The following TLK2 variants were observed in gnomAD, a reference collection of about 807,000 sequenced individuals.
TLK2 encodes the protein tousled like kinase 2.
A neutral mutation model predicts 117.3 loss-of-function variants in TLK2; 6 were observed. The observed-to-expected ratio is 0.05, with a 90% CI of 0.03 to 0.10. TLK2 has a LOEUF of 0.10. Among genes scored for constraint, TLK2 ranks in the 10% least tolerant of loss-of-function variants. The pLI is 1.00. For missense variants in TLK2, 299 were observed against 901.2 expected (o/e 0.33, Z 8.56); for synonymous variants, 257 against 316.7 (o/e 0.81, Z 2.00).
At chr17:62,499,002 C>T (rs2073958285) in intron 2 of TLK2, among the ~76,000 whole-genome samples, 1 of 151,870 alleles carries the variant, frequency 6.6e-6, no homozygotes, top group Admixed American at 6.6e-5. Flanking sequence ...TAGCTGGGAC[C>T]ACAGGCATGT....
intron 2 of TLK2, among the ~76,000 whole-genome samples, chr17:62,489,564 G>A (rs951654110): frequency 6.6e-6 from 1 of 151,982 alleles, no homozygotes; most frequent in African/African-American, 2.4e-5. Context: ...CTAATGCAGA[G>A]TTCCTATATA....
At chr17:62,475,735 C>T (rs2071027032), upstream of TLK2, among the ~76,000 whole-genome samples, 1 of 152,042 alleles carries the variant, frequency 6.6e-6, no homozygotes, top group Admixed American at 6.6e-5. Flanking sequence ...TCTCGGCTCA[C>T]TGCAACCTCC....
At chr17:62,494,525 G>A (rs2073447198) in intron 2 of TLK2, among the ~76,000 whole-genome samples, 1 of 152,042 alleles carries the variant, frequency 6.6e-6, no homozygotes, top group Non-Finnish European at 1.5e-5. Context: ...TCAAAGTGTT[G>A]GGATTATAGG....
intron 16 of TLK2, among the ~76,000 whole-genome samples, chr17:62,590,009 G>A (rs1231686404): frequency 4.7e-5 from 7 of 150,224 alleles, no homozygotes; most frequent in African/African-American, 1.7e-4. Context: ...GGGTTTCACC[G>A]TGTTAGCCAG....
intron 13 of TLK2, among the ~76,000 whole-genome samples, 191 bp from the exon 14 acceptor site, chr17:62,578,284 CCT>C (rs1422273669): frequency 6.6e-6 from 1 of 151,672 alleles, no homozygotes; most frequent in Non-Finnish European, 1.5e-5. Context: ...TTACTGAACT[CCT>C]CTGTATGGTT....
intron 7 of TLK2, among the ~76,000 whole-genome samples, chr17:62,546,260 G>A (rs539576765): frequency 4.9e-4 from 74 of 151,434 alleles, no homozygotes; most frequent in Non-Finnish European, 9.9e-4. Context: ...CTATCAGCTC[G>A]CTTTGGCTTC....
At chr17:62,504,111 T>C (rs893475333) in intron 2 of TLK2, among the ~76,000 whole-genome samples, 2 of 152,186 alleles carry the variant, frequency 1.3e-5, no homozygotes, top group African/African-American at 2.4e-5. Flanking sequence ...TAATACATGC[T>C]TGGTAGTTCA....
chr17:62,598,821 C>T (rs545684340), intron 17 of TLK2, among the ~76,000 whole-genome samples: 3 of 152,066 alleles, frequency 2.0e-5, no homozygotes, highest in Non-Finnish European at 4.4e-5. Flanking sequence ...CCGCGCCTGG[C>T]TGAAAGTGAG....
chr17:62,576,799 C>A, intron 13 of TLK2, 24 bp downstream of exon 13: 1 of 1,577,454 alleles, frequency 6.3e-7, no homozygotes, highest in South Asian at 1.1e-5. Flanking sequence ...GAAAATCTCC[C>A]TGGAGAAATG....
intron 1 of TLK2, among the ~76,000 whole-genome samples, chr17:62,473,243 C>G (rs1052327128): frequency 3.3e-5 from 5 of 152,076 alleles, no homozygotes; most frequent in African/African-American, 1.2e-4. Context: ...CTGATGAGCT[C>G]TGAGATCGGG....
intron 2 of TLK2, among the ~76,000 whole-genome samples, chr17:62,485,907 G>A (rs183603477): frequency 1.4e-5 from 2 of 141,878 alleles, no homozygotes; most frequent in Non-Finnish European, 1.5e-5. Context: ...TGCAAGCTCC[G>A]CCTCCCAGGT....
chr17:62,476,926 G>GA (rs59956556), upstream of TLK2, among the ~76,000 whole-genome samples: 2 of 145,858 alleles, frequency 1.4e-5, no homozygotes, highest in East Asian at 2.0e-4. Flanking sequence ...TACCAAAAAA[G>GA]AAAAAAAAAA....
intron 9 of TLK2, among the ~76,000 whole-genome samples, chr17:62,559,402 G>T (rs1172782137): frequency 6.8e-5 from 10 of 146,114 alleles, no homozygotes; most frequent in African/African-American, 2.5e-4. Context: ...TTTTTGAGAT[G>T]AAGTCTTACT....
At chr17:62,589,031 T>TA (rs2081873549) in intron 16 of TLK2, among the ~76,000 whole-genome samples, 2 of 152,286 alleles carry the variant, frequency 1.3e-5, no homozygotes, top group Middle Eastern at 3.4e-3. Flanking sequence ...TTTATTCTGG[T>TA]AAAAAAGAAG....
At chr17:62,503,967 C>G (rs2145066421) in intron 2 of TLK2, among the ~76,000 whole-genome samples, 1 of 152,198 alleles carries the variant, frequency 6.6e-6, no homozygotes, top group East Asian at 1.9e-4. Context: ...CTCCCGACCT[C>G]AGGTGATCCA....
intron 10 of TLK2, 54 bp downstream of exon 10, chr17:62,560,180 CAT>C (rs2079153511): frequency 1.8e-6 from 2 of 1,113,014 alleles, no homozygotes; most frequent in African/African-American, 3.2e-5. Context: ...CAATGTGTGT[CAT>C]TGTGTGGCTT....
At chr17:62,602,269 A>G (rs892129486) in intron 19 of TLK2, 89 bp downstream of exon 19, 9 of 1,384,980 alleles carry the variant, frequency 6.5e-6, no homozygotes, top group South Asian at 3.4e-5. Context: ...GCTGTATGCT[A>G]TCTGCTAGGC....
At chr17:62,528,727 G>T (rs1466901343) in intron 6 of TLK2, among the ~76,000 whole-genome samples, 1 of 152,178 alleles carries the variant, frequency 6.6e-6, no homozygotes, top group Non-Finnish European at 1.5e-5. Context: ...AGCTCGGAAT[G>T]ATTTTTAGAT....
In TLK2 at chr17:62,614,073, G is replaced by A. The variant is rs1348929530; in HGVS notation, c.*1508G>A. ...CAGGAGGCGGAGGTTGCAGTGAGCC[G>A]AGATGGCACCACTGCAATCCAGCCT... On this transcript the variant is annotated 3_prime_UTR_variant, in exon 22 of 22. Transcript: ENST00000346027. The A allele has an allele frequency of 2.7e-5, 4 of 147,284 alleles. No individual in the cohort carries two copies. The highest frequency in any genetic ancestry group is 4.4e-5 in the Non-Finnish European group (3 of 67,502). The allele number at this position is 147,284 out of a possible 1,614,324, so 9.1% of individuals were successfully genotyped here. A position where few individuals can be genotyped will look rare whatever the true frequency, so the allele number is the denominator to read the frequency against.
Sources: allele counts gnomAD v4.1 joint callset (sites outside exome capture counted in the v4.1 genomes callset), GRCh38; gene constraint gnomAD v4.1.1; transcripts MANE v1.5; gene names NCBI Gene and HGNC (gene_info 2026-07-23, HGNC 2026-07-21).